Variants in LIMCH1 observed in about 807,000 individuals in gnomAD.
LIMCH1 encodes LIM and calponin homology domains 1.
A neutral mutation model predicts 176.5 loss-of-function variants in LIMCH1; 113 were observed. That is an observed-to-expected ratio of 0.64 (90% CI 0.55 to 0.75). LIMCH1 has a LOEUF of 0.75. Among genes scored for constraint, LIMCH1 ranks in the 30% least tolerant of loss-of-function variants. The probability of loss-of-function intolerance (pLI) is 0.00; values close to 1 mark genes in which losing one functional copy is unlikely to be tolerated. For synonymous variants in LIMCH1, 619 were observed against 645.9 expected (o/e 0.96, Z 0.63); for missense variants, 1,674 against 1,814.9 (o/e 0.92, Z 1.41).
chr4:41,380,817 G>T, intron 1 of LIMCH1, among the ~76,000 whole-genome samples: 1 of 152,170 alleles, frequency 6.6e-6, no homozygotes, highest in Non-Finnish European at 1.5e-5. Context: ...GTTATATTCT[G>T]TCTGCCAACA....
chr4:41,362,050 T>C (rs1217925682), intron 1 of LIMCH1, among the ~76,000 whole-genome samples: 1 of 152,156 alleles, frequency 6.6e-6, no homozygotes, highest in Non-Finnish European at 1.5e-5. Context: ...AGCATTGTGG[T>C]TCCCAAGAAG....
intron 1 of LIMCH1, among the ~76,000 whole-genome samples, chr4:41,487,860 G>GC (rs2069964253): frequency 6.6e-6 from 1 of 150,554 alleles, no homozygotes; most frequent in Non-Finnish European, 1.5e-5. Flanking sequence ...CACCGTGTTA[G>GC]CCAGGATGGT....
intron 1 of LIMCH1, among the ~76,000 whole-genome samples, chr4:41,460,458 C>CTATATCTATATATATATATATATATA (rs2065174099): frequency 9.0e-6 from 1 of 110,546 alleles, no homozygotes; most frequent in African/African-American, 4.0e-5. Context: ...TAGTAATCAT[C>CTATATCTATATATATATATATATATA]TATATATATA....
intron 1 of LIMCH1, among the ~76,000 whole-genome samples, chr4:41,408,953 T>C (rs2059236320): frequency 6.6e-6 from 1 of 152,160 alleles, no homozygotes; most frequent in African/African-American, 2.4e-5. Context: ...GCCTTTTAAC[T>C]TTAGTTGTAG....
chr4:41,687,730 G>T, intron 28 of LIMCH1, 110 bp from the exon 29 acceptor site: 15 of 618,724 alleles, frequency 2.4e-5, no homozygotes, highest in South Asian at 1.1e-4. Context: ...TGATTTGGTT[G>T]TCACAAAAGT....
chr4:41,383,417 C>T (rs17589980), intron 1 of LIMCH1, among the ~76,000 whole-genome samples: 2,814 of 152,132 alleles, frequency 0.018, 86 homozygotes, highest in East Asian at 0.12. Context: ...TCATGAGGAG[C>T]GAAGTGATGA....
At chr4:41,438,962 G>T (rs942514158) in intron 1 of LIMCH1, among the ~76,000 whole-genome samples, 2 of 152,212 alleles carry the variant, frequency 1.3e-5, no homozygotes, top group African/African-American at 4.8e-5. Flanking sequence ...CACAGATCAT[G>T]CTTGAAATAA....
intron 1 of LIMCH1, among the ~76,000 whole-genome samples, chr4:41,369,982 G>T (rs923454148): frequency 1.1e-4 from 16 of 144,156 alleles, no homozygotes; most frequent in African/African-American, 3.3e-4. Context: ...AAAAAAAGCA[G>T]TTTACCCAAT....
intron 21 of LIMCH1, among the ~76,000 whole-genome samples, chr4:41,667,136 A>T (rs2094855621): frequency 6.6e-6 from 1 of 152,212 alleles, no homozygotes; most frequent in Non-Finnish European, 1.5e-5. Context: ...AAATATAAAA[A>T]GATAAAAAGT....
chr4:41,443,688 C>T (rs1463355976), intron 1 of LIMCH1, among the ~76,000 whole-genome samples: 1 of 152,164 alleles, frequency 6.6e-6, no homozygotes, highest in Admixed American at 6.5e-5. Context: ...ATCAGAAATA[C>T]ACCTGGTGAA....
chr4:41,551,160 T>C (rs2080357276), intron 1 of LIMCH1: 1 of 152,208 alleles, frequency 6.6e-6, no homozygotes, highest in Non-Finnish European at 1.5e-5. Context: ...AGTAAGTTTC[T>C]AAAGTCATTG....
intron 3 of LIMCH1, among the ~76,000 whole-genome samples, chr4:41,532,954 G>A (rs2077486840): frequency 5.3e-5 from 8 of 152,178 alleles, no homozygotes; most frequent in Admixed American, 5.2e-4. Context: ...TCACAAGGCT[G>A]CATTCAAGGT....
intron 18 of LIMCH1, among the ~76,000 whole-genome samples, chr4:41,654,909 A>G (rs896145024): frequency 2.0e-5 from 3 of 152,206 alleles, no homozygotes; most frequent in Non-Finnish European, 4.4e-5. Context: ...TTAAAGGCCC[A>G]GTGGAAACCT....
chr4:41,392,627 T>C (rs2057363282), intron 1 of LIMCH1, among the ~76,000 whole-genome samples: 1 of 152,218 alleles, frequency 6.6e-6, no homozygotes, highest in South Asian at 2.1e-4. Context: ...GTTACTTACA[T>C]TATGAGAGGC....
At chr4:41,373,098 A>C (rs1003459286) in intron 1 of LIMCH1, among the ~76,000 whole-genome samples, 11 of 152,212 alleles carry the variant, frequency 7.2e-5, no homozygotes, top group African/African-American at 2.7e-4. Context: ...CGTGTGATGC[A>C]TGCTTGGAAA....
At chr4:41,591,728 C>G (rs2087606562) in intron 1 of LIMCH1, among the ~76,000 whole-genome samples, 1 of 152,160 alleles carries the variant, frequency 6.6e-6, no homozygotes, top group Non-Finnish European at 1.5e-5. Flanking sequence ...GTAAAGGTGT[C>G]TGGATTCATT....
chr4:41,604,591 C>T (rs537758842), intron 3 of LIMCH1, among the ~76,000 whole-genome samples: 87 of 152,130 alleles, frequency 5.7e-4, no homozygotes, highest in Admixed American at 2.3e-3. Context: ...TAGAGGTATA[C>T]GCCATTTTTC....
Position 41,678,769 on chromosome 4 carries a change from TCTCTGCA to T in LIMCH1, c.3520-1236_3520-1230del, listed in dbSNP as rs1713230750. On this transcript the variant is annotated intron_variant, in intron 23 of 31. Coordinates refer to ENST00000503057, the MANE Select transcript of LIMCH1 (RefSeq NM_001330672.2). ...GTGAGTGAAATACTGCATCTTTCAC[TCTCTGCA>T]TCTCTGCATCATCAGTTCATCCTGT... Among the ~76,000 whole-genome samples the T allele has an allele frequency of 3.8e-5, 5 of 130,912 alleles. No homozygotes were observed. In the South Asian group the frequency reaches 1.4e-3, roughly 36 times the overall value. 85.9% of individuals were successfully genotyped at this position (130,912 alleles called of 152,430 possible). A position where few individuals can be genotyped will look rare whatever the true frequency, so the allele number is the denominator to read the frequency against.
At chr4:41,533,694 A>G (rs1036276626), upstream of LIMCH1, among the ~76,000 whole-genome samples, 18 of 152,236 alleles carry the variant, frequency 1.2e-4, 1 homozygote, top group Non-Finnish European at 1.5e-5. Flanking sequence ...TAGACTGTGA[A>G]ATGTTAATGA....
Sources: allele counts gnomAD v4.1 joint callset (sites outside exome capture counted in the v4.1 genomes callset), GRCh38; gene constraint gnomAD v4.1.1; transcripts MANE v1.5; gene names NCBI Gene and HGNC (gene_info 2026-07-23, HGNC 2026-07-21).